The following TIMM50 variants were observed in gnomAD, a reference collection of about 807,000 sequenced individuals.
TIMM50 encodes the protein translocase of inner mitochondrial membrane 50.
TIMM50 carries 34 observed loss-of-function variants against 49.6 expected under a neutral mutation model. The observed-to-expected ratio is 0.69, with a 90% CI of 0.52 to 0.91. The LOEUF (loss-of-function observed/expected upper bound fraction) is 0.91. Among genes scored for constraint, TIMM50 ranks in the 40% least tolerant of loss-of-function variants. The probability of loss-of-function intolerance (pLI) is 0.00; values close to 1 mark genes in which losing one functional copy is unlikely to be tolerated. For synonymous variants in TIMM50, 199 were observed against 198.4 expected (o/e 1.00, Z -0.03); for missense variants, 458 against 477.8 (o/e 0.96, Z 0.39).
At chr19:39,488,676 C>T (rs758914749) in intron 10 of TIMM50, 31 bp downstream of exon 10, 31 of 1,582,228 alleles carry the variant, frequency 2.0e-5, no homozygotes, top group South Asian at 1.8e-4. Flanking sequence ...AGTGGAGGAT[C>T]GGCTCTGAGG....
chr19:39,492,927 C>T lies in TIMM50; in HGVS notation c.*3107C>T, dbSNP rs1600746887. On this transcript the variant is annotated 3_prime_UTR_variant, in exon 11 of 11. Transcript: ENST00000607714. Reference sequence around the variant, plus strand: ...AACCAGTTTGACTTTATCTCCCTCGCCCTGCCTCCATCCCCACATTGCCCC... The same window carrying T: ...AACCAGTTTGACTTTATCTCCCTCGTCCTGCCTCCATCCCCACATTGCCCC... The T allele has an allele frequency of 1.3e-5, 2 of 149,952 alleles. No homozygotes were observed. The highest frequency in any genetic ancestry group is 6.7e-5 in the Admixed American group (1 of 14,924). The allele number at this position is 149,952 out of a possible 1,614,324, so 9.3% of individuals were successfully genotyped here. A position where few individuals can be genotyped will look rare whatever the true frequency, so the allele number is the denominator to read the frequency against.
Position 39,492,011 on chromosome 19 carries a change from C to T in TIMM50, c.*2191C>T, listed in dbSNP as rs116921720. On this transcript the variant is annotated 3_prime_UTR_variant, in exon 11 of 11. Transcript: ENST00000607714. ...AGATTATAGGAGTGAGCCACTCTGC[C>T]CAACTACTTTTAATTAAATAGCCAC... The T allele has an allele frequency of 6.6e-6, 1 of 151,920 alleles. No individual in the cohort carries two copies. The highest frequency in any genetic ancestry group is 1.5e-5 in the Non-Finnish European group (1 of 68,016). 9.4% of individuals were successfully genotyped at this position (151,920 alleles called of 1,614,324 possible). A position where few individuals can be genotyped will look rare whatever the true frequency, so the allele number is the denominator to read the frequency against.
intron 4 of TIMM50, 198 bp downstream of exon 4, chr19:39,483,354 G>T: frequency 5.1e-6 from 3 of 591,984 alleles, no homozygotes; most frequent in East Asian, 3.2e-5. Context: ...GCCCCGAGCA[G>T]ATGGTCAGAG....
At chr19:39,484,795 C>T (rs2079493559) in intron 4 of TIMM50, among the ~76,000 whole-genome samples, 1 of 152,062 alleles carries the variant, frequency 6.6e-6, no homozygotes, top group African/African-American at 2.4e-5. Flanking sequence ...GGTGTGGTGG[C>T]TCACGCCTGT....
chr19:39,487,900 G>A, intron 8 of TIMM50, 161 bp from the exon 9 acceptor site: 1 of 1,079,774 alleles, frequency 9.3e-7, no homozygotes, highest in Non-Finnish European at 1.3e-6. Flanking sequence ...CCCTCTGTGG[G>A]GGTCGATGCC....
In TIMM50 at chr19:39,485,754, C is replaced by G. The variant is rs770722871; in HGVS notation, c.439C>G (p.Pro147Ala). 1 of 1,614,164 alleles carries G rather than the reference C, an allele frequency of 6.2e-7. No homozygotes were observed. Among genetic ancestry groups the G allele is most frequent in the Admixed American group, 1.7e-5 (1 of 60,018 alleles). Reference sequence around the variant, plus strand: ...TCTGCAGGAACCGTACTACCAGCCACCCTACACGCTCGTTTTGGAGCTCAC... The same window carrying G: ...TCTGCAGGAACCGTACTACCAGCCAGCCTACACGCTCGTTTTGGAGCTCAC... ...DPLQEPYYQP[P>A]YTLVLELTGV... The change falls in exon 6 of 11, where the codon CCC (proline) becomes GCC (alanine). Residue 147 changes from proline (P) to alanine (A), a missense_variant. Coordinates refer to ENST00000607714, the MANE Select transcript of TIMM50 (RefSeq NM_001001563.5).
Position 39,490,544 on chromosome 19 carries a change from A to G in TIMM50, c.*724A>G, listed in dbSNP as rs1001108896. 2.6e-5 allele frequency: 4 copies of G among 151,864 alleles called. No homozygotes were observed. Among genetic ancestry groups the G allele is most frequent in the African/African-American group, 9.7e-5 (4 of 41,346 alleles). 9.4% of individuals were successfully genotyped at this position (151,864 alleles called of 1,614,324 possible). ...CTGGGGACTACAGGTGCGTGCTACC[A>G]TACCCAGCTAATTTAAACAAATTTT... is the stretch of plus-strand genomic sequence containing the variant. On this transcript the variant is annotated 3_prime_UTR_variant, in exon 11 of 11. Coordinates refer to ENST00000607714, the MANE Select transcript of TIMM50 (RefSeq NM_001001563.5).
rs112700830 is a variant in TIMM50, at chr19:39,489,404, G to A, written c.961-315G>A. Among the ~76,000 whole-genome samples the A allele has an allele frequency of 1.7e-3, 260 of 152,222 alleles. 1 individual carries two copies. The highest frequency in any genetic ancestry group is 5.9e-3 in the African/African-American group (244 of 41,542). On this transcript the variant is annotated intron_variant, in intron 10 of 10. Coordinates refer to ENST00000607714, the MANE Select transcript of TIMM50 (RefSeq NM_001001563.5). ...GGGGAAGGAGATTATGACAGTCTGG[G>A]GCCTGAGAACCTACTGCAGTTCAGG... is the stretch of plus-strand genomic sequence containing the variant.
chr19:39,490,564 A>C lies in TIMM50; in HGVS notation c.*744A>C, dbSNP rs1475362485. 2 of 151,434 alleles carry C rather than the reference A, an allele frequency of 1.3e-5. No individual in the cohort carries two copies. Among genetic ancestry groups the C allele is most frequent in the Non-Finnish European group, 2.9e-5 (2 of 67,894 alleles). 9.4% of individuals were successfully genotyped at this position (151,434 alleles called of 1,614,324 possible). On this transcript the variant is annotated 3_prime_UTR_variant, in exon 11 of 11. Transcript: ENST00000607714. ...CTACCATACCCAGCTAATTTAAACA[A>C]ATTTTTTTTTTGTAGAGATGGGGTC...
In TIMM50 at chr19:39,480,904, C is replaced by T. The variant is rs779036799; in HGVS notation, c.51C>T (p.Leu17=). The change falls in exon 1 of 11, where the codon CTC becomes CTT. Residue 17 remains leucine, a synonymous_variant. Coordinates refer to ENST00000607714, the MANE Select transcript of TIMM50 (RefSeq NM_001001563.5). ...VFSRLRSGLR[L]GSRGLCTRLA... ...CGCGCTTGCGAAGCGGGCTCCGGCTCGGCTCGCGGGGACTGTGCACGAGGT... is the reference window on the plus strand; with the variant it reads ...CGCGCTTGCGAAGCGGGCTCCGGCTTGGCTCGCGGGGACTGTGCACGAGGT... The T allele has an allele frequency of 2.5e-6, 4 of 1,594,458 alleles. No homozygotes were observed. In the African/African-American group the frequency reaches 4.0e-5, roughly 16 times the overall value.
intron 3 of TIMM50, 97 bp downstream of exon 3, chr19:39,483,013 G>A (rs756811322): frequency 6.8e-6 from 11 of 1,608,416 alleles, no homozygotes; most frequent in Non-Finnish European, 9.4e-6. Flanking sequence ...GGTCTGGAGT[G>A]AGCCTTTCTT....
In TIMM50 at chr19:39,488,137, C is replaced by T; in HGVS notation, c.773C>T (p.Pro258Leu). The part of the protein sequence containing the change: ...DCKKEAFRLQ[P>L]YNGVALRPWD... ...AAGAAGGAAGCCTTCCGCCTGCAGC[C>T]CTATAACGGCGTTGCCCTGCGGCCC... The change falls in exon 9 of 11, where the codon CCC (proline) becomes CTC (leucine). Residue 258 changes from proline (P) to leucine (L), a missense_variant. Pro to Leu is a moderately conservative substitution (Grantham distance 98, BLOSUM62 -3). Transcript: ENST00000607714. The T allele has an allele frequency of 6.2e-7, 1 of 1,614,082 alleles. No homozygotes were observed.
intron 4 of TIMM50, chr19:39,483,436 T>C (rs988616972): frequency 8.0e-6 from 4 of 498,458 alleles, no homozygotes; most frequent in Non-Finnish European, 1.4e-5. Context: ...GACACATGGG[T>C]TCCTGTGCCT....
chr19:39,489,472 C>G (rs2079529660), intron 10 of TIMM50, among the ~76,000 whole-genome samples: 1 of 152,096 alleles, frequency 6.6e-6, no homozygotes, highest in Admixed American at 6.5e-5. Flanking sequence ...TGTCGTCCCC[C>G]AAACATTGAA....
At chr19:39,485,308 A>C in intron 4 of TIMM50, 1 of 578,460 alleles carries the variant, frequency 1.7e-6, no homozygotes, top group East Asian at 3.0e-5. Context: ...ATTCTGTTTC[A>C]TACCTGGGGT....
At position 39,486,390 on chromosome 19, in the gene TIMM50, C is replaced by T; in HGVS notation, c.598-7C>T. ...CTGACCTTTTCTCGCTCCCTTCCCA[C>T]CCCCAGACTGCGTTTCCACTCATTG... On this transcript the variant is annotated splice_polypyrimidine_tract_variant and splice_region_variant and intron_variant, in intron 7 of 10. Coordinates refer to ENST00000607714, the MANE Select transcript of TIMM50 (RefSeq NM_001001563.5). 6.2e-7 allele frequency: 1 copy of T among 1,614,006 alleles called. No individual in the cohort carries two copies. Among genetic ancestry groups the T allele is most frequent in the Non-Finnish European group, 8.5e-7 (1 of 1,179,878 alleles).
chr19:39,484,054 A>G (rs2146151794), intron 4 of TIMM50, among the ~76,000 whole-genome samples: 1 of 152,058 alleles, frequency 6.6e-6, no homozygotes, highest in South Asian at 2.1e-4. Context: ...GGGTTTCACC[A>G]TGTTGGTCAG....
In TIMM50 at chr19:39,490,228, T is replaced by TA; in HGVS notation, c.*409dup. 5.7e-6 allele frequency: 1 copy of TA among 175,314 alleles called. No individual in the cohort carries two copies. The highest frequency in any genetic ancestry group is 1.5e-4 in the East Asian group (1 of 6,462). 10.9% of individuals were successfully genotyped at this position (175,314 alleles called of 1,614,324 possible). ...CCAGGCTACTGTGGAGAGAATGTGT[T>TA]ATGGGCCTAGTGGGCCTCTGGTGGA... On this transcript the variant is annotated 3_prime_UTR_variant, in exon 11 of 11. Coordinates refer to ENST00000607714, the MANE Select transcript of TIMM50 (RefSeq NM_001001563.5).
In TIMM50 at chr19:39,492,548, C is replaced by G. The variant is rs1450635777; in HGVS notation, c.*2728C>G. 1 of 151,886 alleles carries G rather than the reference C, an allele frequency of 6.6e-6. No homozygotes were observed. The highest frequency in any genetic ancestry group is 2.1e-4 in the South Asian group (1 of 4,800). 9.4% of individuals were successfully genotyped at this position (151,886 alleles called of 1,614,324 possible). A position where few individuals can be genotyped will look rare whatever the true frequency, so the allele number is the denominator to read the frequency against. On this transcript the variant is annotated 3_prime_UTR_variant, in exon 11 of 11. Coordinates refer to ENST00000607714, the MANE Select transcript of TIMM50 (RefSeq NM_001001563.5). ...ATATATTCCCAGGTGCTTGCTGTTA[C>G]CAGGCCATATGGGTTATTCACAGAT...
Sources: allele counts gnomAD v4.1 joint callset (sites outside exome capture counted in the v4.1 genomes callset), GRCh38; gene constraint gnomAD v4.1.1; transcripts MANE v1.5; gene names NCBI Gene and HGNC (gene_info 2026-07-23, HGNC 2026-07-21).